Variants in PRSS12 observed in about 807,000 individuals in gnomAD.
PRSS12 encodes serine protease 12.
A neutral mutation model predicts 104.4 loss-of-function variants in PRSS12; 85 were observed. The observed-to-expected ratio is 0.81, with a 90% CI of 0.68 to 0.98. The LOEUF is 0.98. PRSS12 is among the 50% of genes least tolerant of loss of function. PRSS12 has a pLI of 0.00. For missense variants in PRSS12, 1,141 were observed against 1,139.2 expected (o/e 1.00, Z -0.02); for synonymous variants, 454 against 425.2 (o/e 1.07, Z -0.83).
chr4:118,282,327 A>G, intron 12 of PRSS12, 84 bp from the exon 13 acceptor site: 1 of 1,537,924 alleles, frequency 6.5e-7, no homozygotes, highest in East Asian at 2.2e-5. Flanking sequence ...ATAGTTATGA[A>G]AATAAAATCC....
intron 4 of PRSS12, among the ~76,000 whole-genome samples, chr4:118,325,900 C>A (rs1723756536): frequency 6.6e-6 from 1 of 152,104 alleles, no homozygotes; most frequent in Non-Finnish European, 1.5e-5. Flanking sequence ...AGATATTTGA[C>A]CTACATAACA....
chr4:118,280,934 TG>T lies in PRSS12; in HGVS notation c.*1001del, dbSNP rs1171565049. ...GGCCTTTTGCAAATTGTCAGTGATG[TG>T]CAAAGCTGCCTAATGCAGTGCCTGG... On this transcript the variant is annotated 3_prime_UTR_variant, in exon 13 of 13. Coordinates refer to ENST00000296498, the MANE Select transcript of PRSS12 (RefSeq NM_003619.4). The T allele has an allele frequency of 6.6e-6, 1 of 152,260 alleles. No individual in the cohort carries two copies. Among genetic ancestry groups the T allele is most frequent in the Admixed American group, 6.5e-5 (1 of 15,290 alleles). The allele number at this position is 152,260 out of a possible 1,614,324, so 9.4% of individuals were successfully genotyped here.
intron 1 of PRSS12, among the ~76,000 whole-genome samples, chr4:118,343,013 C>T (rs1347052897): frequency 6.6e-6 from 1 of 152,156 alleles, no homozygotes; most frequent in African/African-American, 2.4e-5. Flanking sequence ...TCTTATCAGT[C>T]TCAGTCAATA....
At chr4:118,315,811 C>CA (rs1743891490) in intron 6 of PRSS12, among the ~76,000 whole-genome samples, 1 of 152,184 alleles carries the variant, frequency 6.6e-6, no homozygotes, top group Non-Finnish European at 1.5e-5. Context: ...GCATTTGACA[C>CA]TAGACTTCTC....
chr4:118,337,216 ATGCAAAATACT>A (rs1483984649), intron 2 of PRSS12, among the ~76,000 whole-genome samples: 1 of 152,160 alleles, frequency 6.6e-6, no homozygotes, highest in Non-Finnish European at 1.5e-5. Flanking sequence ...CTGATTATTA[ATGCAAAATACT>A]TGCAAACTGC....
intron 11 of PRSS12, among the ~76,000 whole-genome samples, chr4:118,290,939 T>C (rs1216269619): frequency 6.6e-6 from 1 of 152,050 alleles, no homozygotes; most frequent in Non-Finnish European, 1.5e-5. Flanking sequence ...TCACAGTCCC[T>C]CCAGTTCCTA....
intron 8 of PRSS12, among the ~76,000 whole-genome samples, chr4:118,302,799 T>C (rs907560091): frequency 1.7e-5 from 2 of 117,604 alleles, no homozygotes; most frequent in Admixed American, 1.8e-4. Context: ...CTGTTCTCTA[T>C]GTTTACTTGT....
In PRSS12 at chr4:118,286,891, T is replaced by G. The variant is rs564960107; in HGVS notation, c.2040-3780A>C. 2.3e-3 allele frequency among the ~76,000 whole-genome samples: 349 copies of G among 152,242 alleles called. 3 individuals carry two copies. Among genetic ancestry groups the G allele is most frequent in the African/African-American group, 7.9e-3 (330 of 41,542 alleles). ...TGCCCGTACATGCCCAGAACTTCAC[T>G]GGATGAAGTAAGCATCCTAAGAGAT... is the stretch of plus-strand genomic sequence containing the variant. On this transcript the variant is annotated intron_variant, in intron 11 of 12. Transcript: ENST00000296498.
chr4:118,326,802 T>A (rs1197306534), intron 4 of PRSS12, among the ~76,000 whole-genome samples: 2 of 152,162 alleles, frequency 1.3e-5, no homozygotes, highest in Non-Finnish European at 2.9e-5. Context: ...TGGGCCTAAC[T>A]TCCTCAACTG....
At chr4:118,329,703 T>TGTATATG (rs1723869185) in intron 4 of PRSS12, among the ~76,000 whole-genome samples, 2 of 152,202 alleles carry the variant, frequency 1.3e-5, no homozygotes, top group African/African-American at 4.8e-5. Context: ...TGATAGCCAA[T>TGTATATG]GTATATGGTA....
In PRSS12 at chr4:118,318,381, T is replaced by C. The variant is rs1479500144; in HGVS notation, c.1147A>G (p.Thr383Ala). The C allele has an allele frequency of 1.1e-5, 17 of 1,613,776 alleles. No individual in the cohort carries two copies. Among genetic ancestry groups the C allele is most frequent in the East Asian group, 2.2e-5 (1 of 44,888 alleles). ...ACTAATGGAGTGAAATCCTTACCTG[T>C]TAGAGGGGTACAGGACACTCCAGCA... ...EDAGVSCTPL[T>A]DGVIRLAGGK... The change falls in exon 5 of 13, where the codon ACA becomes GCA. Residue 383 changes from threonine to alanine, a missense_variant. Coordinates refer to ENST00000296498, the MANE Select transcript of PRSS12 (RefSeq NM_003619.4).
At chr4:118,300,737 A>G (rs993564435) in intron 8 of PRSS12, among the ~76,000 whole-genome samples, 13 of 152,206 alleles carry the variant, frequency 8.5e-5, no homozygotes, top group African/African-American at 2.9e-4. Flanking sequence ...TTAAAAGTTG[A>G]TATTTCTAGA....
intron 8 of PRSS12, among the ~76,000 whole-genome samples, chr4:118,301,688 G>A (rs2126030024): frequency 6.6e-6 from 1 of 152,252 alleles, no homozygotes; most frequent in East Asian, 1.9e-4. Context: ...TTCTTACAAA[G>A]TGTATTCCTA....
Position 118,352,995 on chromosome 4 carries a change from G to A in PRSS12, c.-275C>T. On this transcript the variant is annotated 5_prime_UTR_variant, in exon 1 of 13. Coordinates refer to ENST00000296498, the MANE Select transcript of PRSS12 (RefSeq NM_003619.4). ...GAGAGGACCGGAAAAGAGAAGGCGC[G>A]GACGCAGCGGGGAGCGGTTGGGCCT... 2 of 736,522 alleles carry A rather than the reference G, an allele frequency of 2.7e-6. No homozygotes were observed. The highest frequency in any genetic ancestry group is 4.5e-5 in the East Asian group (1 of 21,990). The allele number at this position is 736,522 out of a possible 1,614,324, so 45.6% of individuals were successfully genotyped here.
At chr4:118,287,658 A>G (rs1175730901) in intron 11 of PRSS12, among the ~76,000 whole-genome samples, 1 of 152,182 alleles carries the variant, frequency 6.6e-6, no homozygotes, top group African/African-American at 2.4e-5. Context: ...TGCTTTAGGG[A>G]TAACACTTTG....
At chr4:118,305,991 A>G (rs1265962193) in intron 8 of PRSS12, 1 of 152,202 alleles carries the variant, frequency 6.6e-6, no homozygotes, top group Non-Finnish European at 1.5e-5. Flanking sequence ...CATCTTGGCT[A>G]TTGCAAATAA....
Position 118,327,757 on chromosome 4 carries a change from G to A in PRSS12, c.971+3959C>T, listed in dbSNP as rs548450253. Among the ~76,000 whole-genome samples the A allele has an allele frequency of 7.2e-5, 11 of 152,248 alleles. No individual in the cohort carries two copies. In the East Asian group the frequency reaches 9.7e-4, roughly 13 times the overall value. ...ACTAAACTTCACTGGGTACATATGC[G>A]TTCTCAAGTTATCTAATTTTCTAAC... On this transcript the variant is annotated intron_variant, in intron 4 of 12. Coordinates refer to ENST00000296498, the MANE Select transcript of PRSS12 (RefSeq NM_003619.4).
At chr4:118,337,878 T>G (rs989618568) in intron 2 of PRSS12, among the ~76,000 whole-genome samples, 1 of 152,146 alleles carries the variant, frequency 6.6e-6, no homozygotes, top group Non-Finnish European at 1.5e-5. Flanking sequence ...CATAACTTGC[T>G]TCAAAGGCCT....
Position 118,335,387 on chromosome 4 carries a change from G to A in PRSS12, c.820+86C>T, listed in dbSNP as rs1365384594. ...CTGTAATTAAAGTCTTTAAGGAAAT[G>A]ATTATAACTAAGACACTTTCATCAT... On this transcript the variant is annotated intron_variant, in intron 3 of 12. Coordinates refer to ENST00000296498, the MANE Select transcript of PRSS12 (RefSeq NM_003619.4). 2.7e-6 allele frequency: 4 copies of A among 1,483,558 alleles called. No individual in the cohort carries two copies. The East Asian group carries it at 9.3e-5, about 34-fold the overall frequency. The allele number at this position is 1,483,558 out of a possible 1,614,324, so 91.9% of individuals were successfully genotyped here. A position where few individuals can be genotyped will look rare whatever the true frequency, so the allele number is the denominator to read the frequency against.
Sources: allele counts gnomAD v4.1 joint callset (sites outside exome capture counted in the v4.1 genomes callset), GRCh38; gene constraint gnomAD v4.1.1; transcripts MANE v1.5; gene names NCBI Gene and HGNC (gene_info 2026-07-23, HGNC 2026-07-21).